NCKAP5: variants seen among roughly 807,000 people sequenced by gnomAD.
NCKAP5 encodes nck-associated protein 5.
In NCKAP5, 92 loss-of-function variants were observed where a neutral mutation model predicts 167.0. The observed-to-expected ratio is 0.55, with a 90% CI of 0.47 to 0.66. The LOEUF (loss-of-function observed/expected upper bound fraction) is 0.66. Ranked by LOEUF, NCKAP5 falls within the 30% of genes least tolerant of loss-of-function variation. The pLI is 0.00. For synonymous variants in NCKAP5, 891 were observed against 877.4 expected (o/e 1.02, Z -0.27); for missense variants, 2,378 against 2,315.0 (o/e 1.03, Z -0.56).
At chr2:132,839,077 T>C (rs190898817) in intron 11 of NCKAP5, among the ~76,000 whole-genome samples, 6 of 152,342 alleles carry the variant, frequency 3.9e-5, no homozygotes, top group Admixed American at 3.3e-4. Flanking sequence ...TTCTTGTCCA[T>C]TTGTAAGAGC....
At chr2:133,149,921 A>C (rs570497659) in intron 5 of NCKAP5, among the ~76,000 whole-genome samples, 3 of 151,936 alleles carry the variant, frequency 2.0e-5, no homozygotes, top group Non-Finnish European at 4.4e-5. Context: ...TGCTGTCTCC[A>C]CTCCATTCTT....
At chr2:132,727,740 T>C (rs12691826) in intron 18 of NCKAP5, among the ~76,000 whole-genome samples, 152,311 of 152,314 alleles carry the variant, frequency 1, 76,154 homozygotes, top group Non-Finnish European at 1. Context: ...GTCTCGGCTC[T>C]ACAGCAACTT....
At chr2:132,693,469 G>T (rs1686990538) in intron 19 of NCKAP5, among the ~76,000 whole-genome samples, 1 of 151,980 alleles carries the variant, frequency 6.6e-6, no homozygotes, top group Admixed American at 6.6e-5. Context: ...CAGAGACAAA[G>T]ATGAGAGCTG....
chr2:133,512,204 T>C (rs1367725159), intron 3 of NCKAP5, among the ~76,000 whole-genome samples: 1 of 152,250 alleles, frequency 6.6e-6, no homozygotes, highest in Admixed American at 6.5e-5. Flanking sequence ...ACATACTCTA[T>C]GTCAATATTT....
intron 3 of NCKAP5, among the ~76,000 whole-genome samples, chr2:133,445,023 A>G (rs973186157): frequency 5.3e-5 from 8 of 152,346 alleles, no homozygotes; most frequent in African/African-American, 1.9e-4. Flanking sequence ...ACCTGAGGAC[A>G]CTAAACATTT....
At chr2:133,082,603 C>T (rs1016775427) in intron 6 of NCKAP5, among the ~76,000 whole-genome samples, 6 of 152,110 alleles carry the variant, frequency 3.9e-5, no homozygotes, top group Admixed American at 3.3e-4. Context: ...CATGTTGAAG[C>T]TCAGCTGGGC....
intron 11 of NCKAP5, among the ~76,000 whole-genome samples, chr2:132,851,633 G>T (rs1013299190): frequency 6.6e-6 from 1 of 152,152 alleles, no homozygotes; most frequent in Non-Finnish European, 1.5e-5. Context: ...CCCTGGATGC[G>T]TCTATTTGCC....
intron 16 of NCKAP5, among the ~76,000 whole-genome samples, chr2:132,770,587 G>C (rs1681952678): frequency 1.3e-5 from 2 of 151,818 alleles, no homozygotes; most frequent in Admixed American, 1.3e-4. Flanking sequence ...CATCTGCAAT[G>C]ATCTGAACAC....
intron 16 of NCKAP5, among the ~76,000 whole-genome samples, chr2:132,748,189 C>T (rs1378524676): frequency 2.6e-5 from 4 of 152,204 alleles, no homozygotes; most frequent in African/African-American, 9.7e-5. Context: ...CAGCCACACA[C>T]TCCCATGTCT....
At chr2:133,026,224 C>G (rs1208478626) in intron 6 of NCKAP5, among the ~76,000 whole-genome samples, 1 of 151,844 alleles carries the variant, frequency 6.6e-6, no homozygotes, top group African/African-American at 2.4e-5. Flanking sequence ...GTTTAGGTTC[C>G]TTGTAGACTC....
At chr2:132,978,882 C>T (rs1338303949) in intron 7 of NCKAP5, among the ~76,000 whole-genome samples, 1 of 152,208 alleles carries the variant, frequency 6.6e-6, no homozygotes, top group African/African-American at 2.4e-5. Flanking sequence ...GCCTGGTTCT[C>T]CGTGTCTCTT....
chr2:133,117,067 CT>C (rs1196637348), intron 6 of NCKAP5: 1 of 152,186 alleles, frequency 6.6e-6, no homozygotes, highest in African/African-American at 2.4e-5. Context: ...AGTTATTTAA[CT>C]CATGGGAGCC....
chr2:132,828,690 C>A (rs543526569), intron 11 of NCKAP5, among the ~76,000 whole-genome samples: 7 of 152,264 alleles, frequency 4.6e-5, no homozygotes, highest in East Asian at 1.9e-4. Flanking sequence ...AAGGAGTGTA[C>A]AACAAATAGT....
At chr2:133,232,360 C>T (rs554722450) in intron 4 of NCKAP5, among the ~76,000 whole-genome samples, 8 of 152,056 alleles carry the variant, frequency 5.3e-5, no homozygotes, top group African/African-American at 7.2e-5. Context: ...TGTCAGAGAT[C>T]GGAATTCCAT....
At chr2:132,823,723 T>C (rs557193777) in intron 11 of NCKAP5, among the ~76,000 whole-genome samples, 2 of 152,274 alleles carry the variant, frequency 1.3e-5, no homozygotes, top group South Asian at 4.2e-4. Flanking sequence ...TAATGTTGAA[T>C]GTAAATAGCC....
At chr2:132,914,565 T>G (rs761876588) in intron 8 of NCKAP5, among the ~76,000 whole-genome samples, 12 of 151,890 alleles carry the variant, frequency 7.9e-5, no homozygotes, top group Non-Finnish European at 1.6e-4. Flanking sequence ...AACTGCAATA[T>G]AGACTCTCTG....
chr2:133,446,267 A>G (rs1215905842), intron 3 of NCKAP5, among the ~76,000 whole-genome samples: 3 of 152,242 alleles, frequency 2.0e-5, no homozygotes, highest in Non-Finnish European at 2.9e-5. Context: ...TTCAAGCTTC[A>G]GCAAGTAGAA....
intron 4 of NCKAP5, among the ~76,000 whole-genome samples, chr2:133,246,686 G>T (rs936484085): frequency 1.3e-5 from 2 of 152,122 alleles, no homozygotes; most frequent in African/African-American, 4.8e-5. Flanking sequence ...TATGCATACC[G>T]CGTTGAAAAT....
intron 3 of NCKAP5, among the ~76,000 whole-genome samples, chr2:133,504,880 A>G (rs1303510120): frequency 1.3e-5 from 2 of 152,166 alleles, no homozygotes; most frequent in Admixed American, 6.5e-5. Flanking sequence ...ATCGGAGCAA[A>G]GGCAGTCAGA....
Sources: allele counts gnomAD v4.1 joint callset (sites outside exome capture counted in the v4.1 genomes callset), GRCh38; gene constraint gnomAD v4.1.1; transcripts MANE v1.5; gene names NCBI Gene and HGNC (gene_info 2026-07-23, HGNC 2026-07-21).